The following CHST11 variants were observed in gnomAD, a reference collection of about 807,000 sequenced individuals.
CHST11 encodes the protein C4S-1.
In CHST11, 9 loss-of-function variants were observed where a neutral mutation model predicts 30.4. The observed-to-expected ratio is 0.30, with a 90% confidence interval of 0.18 to 0.52. The LOEUF (loss-of-function observed/expected upper bound fraction) is 0.52, where lower values mean the gene tolerates loss of function less well. CHST11 is among the 20% of genes least tolerant of loss of function. The probability of loss-of-function intolerance (pLI) is 0.97; values close to 1 mark genes in which losing one functional copy is unlikely to be tolerated. For missense variants in CHST11, 348 were observed against 460.6 expected, an observed-to-expected ratio of 0.76 and a Z score of 2.24; for synonymous variants, 152 against 187.8, an observed-to-expected ratio of 0.81 and a Z score of 1.56.
chr12:104,737,972 A>G (rs954931374), intron 2 of CHST11, among the ~76,000 whole-genome samples: 3 of 152,160 alleles, frequency 2.0e-5, no homozygotes, highest in African/African-American at 2.4e-5. Flanking sequence ...AGATTCATTC[A>G]TGAAAACCCA....
At chr12:104,512,464 G>A (rs752348855) in intron 1 of CHST11, among the ~76,000 whole-genome samples, 7 of 152,214 alleles carry the variant, frequency 4.6e-5, no homozygotes, top group African/African-American at 1.4e-4. Context: ...AAGTCAGGGT[G>A]TTCTCCCTCC....
At chr12:104,721,046 C>T (rs780592274) in intron 2 of CHST11, among the ~76,000 whole-genome samples, 2 of 152,154 alleles carry the variant, frequency 1.3e-5, no homozygotes, top group African/African-American at 2.4e-5. Flanking sequence ...TAAAGGAAGA[C>T]TCATGACTTC....
intron 2 of CHST11, among the ~76,000 whole-genome samples, chr12:104,666,310 T>G (rs527491496): frequency 2.0e-5 from 3 of 152,314 alleles, no homozygotes; most frequent in African/African-American, 7.2e-5. Flanking sequence ...CCAAAACAAT[T>G]CAACTTTGGA....
At chr12:104,691,859 C>T (rs1228631482) in intron 2 of CHST11, among the ~76,000 whole-genome samples, 2 of 152,156 alleles carry the variant, frequency 1.3e-5, no homozygotes, top group East Asian at 3.9e-4. Flanking sequence ...GGCAACCAGC[C>T]TCATGCAGAC....
intron 2 of CHST11, among the ~76,000 whole-genome samples, chr12:104,627,721 A>G (rs1421023961): frequency 6.6e-6 from 1 of 152,140 alleles, no homozygotes; most frequent in African/African-American, 2.4e-5. Context: ...CTTTAACACA[A>G]ATCAGGATTG....
At chr12:104,589,190 A>G (rs2038834027) in intron 1 of CHST11, among the ~76,000 whole-genome samples, 1 of 152,058 alleles carries the variant, frequency 6.6e-6, no homozygotes, top group Non-Finnish European at 1.5e-5. Flanking sequence ...GCTTGAGTCC[A>G]GGAATTCAAG....
intron 2 of CHST11, among the ~76,000 whole-genome samples, chr12:104,697,903 C>T (rs910042739): frequency 6.6e-6 from 1 of 152,136 alleles, no homozygotes; most frequent in African/African-American, 2.4e-5. Context: ...AGGGCGACTT[C>T]CTATGGCATT....
intron 2 of CHST11, among the ~76,000 whole-genome samples, chr12:104,752,817 C>T (rs1366936188): frequency 1.3e-5 from 2 of 152,228 alleles, no homozygotes; most frequent in Non-Finnish European, 2.9e-5. Context: ...GCCTGAGCCA[C>T]CACGCCTGGC....
chr12:104,575,955 C>T lies in CHST11; in HGVS notation c.119-25951C>T, dbSNP rs544404610. On this transcript the variant is annotated intron_variant, in intron 1 of 2. Coordinates refer to ENST00000303694, the MANE Select transcript of CHST11 (RefSeq NM_018413.6). ...ATTGTTAGAAACCAAAGCTCATGCA[C>T]GAATGCCACCCACCCTGTGATTACA... Among the ~76,000 whole-genome samples the T allele has an allele frequency of 4.5e-4, 68 of 151,736 alleles. 1 individual carries two copies. The highest frequency in any genetic ancestry group is 1.4e-3 in the African/African-American group (60 of 41,462).
At chr12:104,509,288 A>G (rs1472493709) in intron 1 of CHST11, among the ~76,000 whole-genome samples, 1 of 152,130 alleles carries the variant, frequency 6.6e-6, no homozygotes, top group Non-Finnish European at 1.5e-5. Context: ...TTCCACCATG[A>G]TTGTGAGGTT....
intron 1 of CHST11, among the ~76,000 whole-genome samples, chr12:104,595,207 T>A (rs953396848): frequency 6.6e-6 from 1 of 152,148 alleles, no homozygotes; most frequent in African/African-American, 2.4e-5. Flanking sequence ...CAGCTCTGCT[T>A]CTATATAAGG....
intron 2 of CHST11, among the ~76,000 whole-genome samples, chr12:104,652,861 G>C (rs1453834281): frequency 1.3e-5 from 2 of 151,848 alleles, no homozygotes; most frequent in East Asian, 1.9e-4. Context: ...GAAGAGGGAG[G>C]CTGCCCTGCT....
chr12:104,607,266 T>C (rs1457999867), intron 2 of CHST11, among the ~76,000 whole-genome samples: 1 of 152,122 alleles, frequency 6.6e-6, no homozygotes, highest in Non-Finnish European at 1.5e-5. Context: ...ATTGATTTCA[T>C]TGAATGTTTT....
At chr12:104,762,009 AAAG>A (rs2040530481) in exon 3 of CHST11, 2 of 152,218 alleles carry the variant, frequency 1.3e-5, no homozygotes, top group Non-Finnish European at 1.5e-5. Context: ...ATTGAAGAAA[AAAG>A]AAGCTGCTTT....
intron 1 of CHST11, among the ~76,000 whole-genome samples, chr12:104,510,819 C>T (rs79674271): frequency 0.25 from 37,486 of 151,010 alleles, 5,639 homozygotes; most frequent in African/African-American, 0.42. Flanking sequence ...CTTGTTTTTT[C>T]TTTTTTTAAG....
At chr12:104,461,638 CT>C (rs1405355991) in intron 1 of CHST11, among the ~76,000 whole-genome samples, 4 of 152,272 alleles carry the variant, frequency 2.6e-5, no homozygotes, top group Admixed American at 2.0e-4. Flanking sequence ...AGGAGAAAGC[CT>C]TTTCTCTCCT....
chr12:104,534,268 G>T (rs1246446701), intron 1 of CHST11, among the ~76,000 whole-genome samples: 1 of 152,154 alleles, frequency 6.6e-6, no homozygotes, highest in Non-Finnish European at 1.5e-5. Flanking sequence ...TGAATATCAA[G>T]GACTCTACCC....
chr12:104,504,868 G>A (rs1213129575), intron 1 of CHST11, among the ~76,000 whole-genome samples: 3 of 152,166 alleles, frequency 2.0e-5, no homozygotes, highest in African/African-American at 4.8e-5. Context: ...GGTGGTTGGA[G>A]TGGGGGAGGG....
intron 2 of CHST11, among the ~76,000 whole-genome samples, chr12:104,719,283 C>T (rs2040155398): frequency 6.6e-6 from 1 of 152,224 alleles, no homozygotes; most frequent in African/African-American, 2.4e-5. Flanking sequence ...TTTGTAGTGA[C>T]ACCAGCATCT....
Sources: gnomAD v4.1 joint callset for allele counts (sites outside exome capture counted in the v4.1 genomes callset) on GRCh38, gnomAD v4.1.1 for gene constraint, MANE v1.5 for transcripts, NCBI Gene and HGNC (gene_info 2026-07-23, HGNC 2026-07-21) for gene names.